The following NELL1 variants were observed in gnomAD, a reference collection of about 807,000 sequenced individuals.
NELL1 encodes the protein protein kinase C-binding protein NELL1.
A neutral mutation model predicts 107.4 loss-of-function variants in NELL1; 76 were observed. The ratio of observed to expected loss-of-function variants is 0.71; its 90% CI spans 0.59 to 0.86. The LOEUF is 0.86. NELL1 is among the 40% of genes least tolerant of loss of function. The pLI is 0.00. For missense variants in NELL1, 1,024 were observed against 1,005.5 expected (o/e 1.02, Z -0.25); for synonymous variants, 353 against 341.2 (o/e 1.03, Z -0.38).
intron 15 of NELL1, among the ~76,000 whole-genome samples, chr11:21,376,235 G>T (rs930454740): frequency 1.3e-5 from 2 of 152,054 alleles, no homozygotes; most frequent in African/African-American, 2.4e-5. Flanking sequence ...TATGGTGAAA[G>T]GTAGGAGTCC....
chr11:21,138,618 T>C (rs377318315), intron 13 of NELL1, among the ~76,000 whole-genome samples: 3 of 152,338 alleles, frequency 2.0e-5, no homozygotes, highest in African/African-American at 7.2e-5. Context: ...GGGTTTGAGA[T>C]GTCAATAAAC....
intron 2 of NELL1, among the ~76,000 whole-genome samples, chr11:20,748,484 AT>A (rs969858883): frequency 6.6e-6 from 1 of 152,132 alleles, no homozygotes; most frequent in Non-Finnish European, 1.5e-5. Context: ...AAAGTCAGAG[AT>A]TTTAGTGTAC....
At chr11:21,432,803 T>A (rs377760549) in intron 15 of NELL1, among the ~76,000 whole-genome samples, 1 of 152,348 alleles carries the variant, frequency 6.6e-6, no homozygotes, top group Admixed American at 6.5e-5. Context: ...CAATGTGTAA[T>A]GATCAAATCA....
At chr11:20,783,314 C>T (rs1856886841) in intron 2 of NELL1, among the ~76,000 whole-genome samples, 6 of 152,208 alleles carry the variant, frequency 3.9e-5, no homozygotes, top group Admixed American at 3.9e-4. Context: ...GCAACCTAAT[C>T]TGTTTGCAGC....
intron 13 of NELL1, among the ~76,000 whole-genome samples, chr11:21,118,126 A>G (rs759175829): frequency 1.3e-5 from 2 of 152,078 alleles, no homozygotes; most frequent in African/African-American, 4.8e-5. Context: ...TATTAGGCAC[A>G]TTGTATTAAG....
At chr11:21,380,883 G>T (rs113865689) in intron 15 of NELL1, among the ~76,000 whole-genome samples, 34 of 152,126 alleles carry the variant, frequency 2.2e-4, no homozygotes, top group African/African-American at 7.9e-4. Context: ...ATGATCAGAG[G>T]CCTGAGTTTT....
intron 2 of NELL1, among the ~76,000 whole-genome samples, chr11:20,764,796 A>G (rs946637009): frequency 6.6e-6 from 1 of 151,958 alleles, no homozygotes; most frequent in Non-Finnish European, 1.5e-5. Flanking sequence ...ACTACACGTG[A>G]GAGTCAGGTA....
chr11:20,851,271 G>A (rs1316564519), intron 4 of NELL1, among the ~76,000 whole-genome samples: 1 of 152,180 alleles, frequency 6.6e-6, no homozygotes, highest in Non-Finnish European at 1.5e-5. Flanking sequence ...CACAAGAAAA[G>A]CAAACGCTAT....
chr11:21,539,201 G>A (rs1274129050), intron 16 of NELL1, among the ~76,000 whole-genome samples: 1 of 152,088 alleles, frequency 6.6e-6, no homozygotes, highest in Non-Finnish European at 1.5e-5. Flanking sequence ...TTATGGGAGG[G>A]AGAGTATACA....
intron 2 of NELL1, among the ~76,000 whole-genome samples, chr11:20,732,072 C>T (rs966035687): frequency 6.6e-6 from 1 of 152,270 alleles, no homozygotes; most frequent in South Asian, 2.1e-4. Flanking sequence ...TAGCTTTCTG[C>T]TGGGCTTGTT....
At chr11:21,549,869 A>C (rs1856533309) in intron 16 of NELL1, among the ~76,000 whole-genome samples, 1 of 151,858 alleles carries the variant, frequency 6.6e-6, no homozygotes, top group South Asian at 2.1e-4. Flanking sequence ...ACAGAAATGA[A>C]CTTCAATTTG....
At chr11:21,235,688 A>G (rs1259974228) in intron 14 of NELL1, among the ~76,000 whole-genome samples, 2 of 152,156 alleles carry the variant, frequency 1.3e-5, no homozygotes, top group Non-Finnish European at 2.9e-5. Context: ...GTGAACATGG[A>G]TGACAAAAAT....
chr11:21,516,982 G>A (rs982236097), intron 15 of NELL1, among the ~76,000 whole-genome samples: 10 of 151,930 alleles, frequency 6.6e-5, no homozygotes, highest in Admixed American at 2.0e-4. Flanking sequence ...TAGAGACGGG[G>A]TTTCACCATG....
intron 14 of NELL1, among the ~76,000 whole-genome samples, chr11:21,292,498 A>C (rs1236977747): frequency 3.3e-5 from 5 of 152,176 alleles, no homozygotes; most frequent in Non-Finnish European, 4.4e-5. Context: ...AAATGGCCAT[A>C]CTGCCTAAAG....
intron 12 of NELL1, among the ~76,000 whole-genome samples, chr11:20,968,251 G>T (rs1184357627): frequency 3.9e-5 from 6 of 152,190 alleles, no homozygotes; most frequent in African/African-American, 1.4e-4. Flanking sequence ...TGACCCTTTG[G>T]AATATAAACT....
chr11:21,503,008 G>A (rs754534751), intron 15 of NELL1, among the ~76,000 whole-genome samples: 16 of 152,016 alleles, frequency 1.1e-4, no homozygotes, highest in Admixed American at 3.3e-4. Context: ...TCAACCTCCC[G>A]AGTAGCTGGG....
intron 13 of NELL1, among the ~76,000 whole-genome samples, chr11:21,214,473 A>T (rs1857570489): frequency 6.6e-6 from 1 of 152,202 alleles, no homozygotes; most frequent in African/African-American, 2.4e-5. Flanking sequence ...GCACAATATA[A>T]ATTAAAAACA....
chr11:20,870,891 A>G (rs1849183135), intron 4 of NELL1, among the ~76,000 whole-genome samples: 5 of 152,252 alleles, frequency 3.3e-5, no homozygotes, highest in Admixed American at 3.3e-4. Context: ...TTTAAAAGAA[A>G]GAGCCCCAAA....
Position 21,390,339 on chromosome 11 carries a change from T to G in NELL1, c.1645+19391T>G, listed in dbSNP as rs186627455. Among the ~76,000 whole-genome samples the G allele has an allele frequency of 1.1e-3, 166 of 150,154 alleles. 1 individual carries two copies. Among genetic ancestry groups the G allele is most frequent in the Non-Finnish European group, 1.9e-3 (128 of 67,476 alleles). ...TCCTATTCTATTCCAGAGTCAAACA[T>G]TTTCTTTCCCATCTCTATAATAACA... On this transcript the variant is annotated intron_variant, in intron 15 of 19. Coordinates refer to ENST00000357134, the MANE Select transcript of NELL1 (RefSeq NM_006157.5).
Sources: gnomAD v4.1 joint callset for allele counts (sites outside exome capture counted in the v4.1 genomes callset) on GRCh38, gnomAD v4.1.1 for gene constraint, MANE v1.5 for transcripts, NCBI Gene and HGNC (gene_info 2026-07-23, HGNC 2026-07-21) for gene names.